HIGD1C: variants seen among roughly 807,000 people sequenced by gnomAD.
HIGD1C encodes HIG1 hypoxia inducible domain family member 1C, also known as HIG1 domain family member 1C.
A neutral mutation model predicts 13.1 loss-of-function variants in HIGD1C; 11 were observed. That is an observed-to-expected ratio of 0.84 (90% CI 0.53 to 1.39). The LOEUF is 1.39. HIGD1C is among the 40% of genes most tolerant of loss of function. The pLI is 0.00. For missense variants in HIGD1C, 110 were observed against 112.0 expected, an observed-to-expected ratio of 0.98 and a Z score of 0.08; for synonymous variants, 36 against 37.7, an observed-to-expected ratio of 0.95 and a Z score of 0.17.
chr12:50,959,364 C>G (rs1049339766), intron 1 of HIGD1C, among the ~76,000 whole-genome samples: 1 of 152,124 alleles, frequency 6.6e-6, no homozygotes, highest in Non-Finnish European at 1.5e-5. Flanking sequence ...AGGTGATCCA[C>G]CTGCATTGGC....
At chr12:50,950,286 CAA>C (rs1414807623), upstream of HIGD1C, among the ~76,000 whole-genome samples, 1 of 152,082 alleles carries the variant, frequency 6.6e-6, no homozygotes, top group East Asian at 1.9e-4. Context: ...GAATGAATAA[CAA>C]AGGCAGAAGA....
the HIGD1C span, among the ~76,000 whole-genome samples, chr12:50,937,962 G>A: frequency 1.3e-5 from 2 of 152,188 alleles, no homozygotes; most frequent in South Asian, 2.1e-4. Flanking sequence ...TTGGCCAAAC[G>A]GTCATCAATG....
chr12:50,932,625 G>A, the HIGD1C span: 1 of 152,046 alleles, frequency 6.6e-6, no homozygotes, highest in Non-Finnish European at 1.5e-5. Context: ...TCTACAGCCA[G>A]GTAACTATAA....
chr12:50,950,670 AT>A (rs57553489), upstream of HIGD1C, among the ~76,000 whole-genome samples: 939 of 87,672 alleles, frequency 0.011, 3 homozygotes, highest in East Asian at 0.017. Flanking sequence ...TGCCCAGCTA[AT>A]TTTTTTTTTT....
At chr12:50,940,819 C>T in the HIGD1C span, among the ~76,000 whole-genome samples, 1 of 151,664 alleles carries the variant, frequency 6.6e-6, no homozygotes, top group Admixed American at 6.6e-5. Flanking sequence ...CTTGCCAATG[C>T]ATACAATCCC....
the HIGD1C span, among the ~76,000 whole-genome samples, chr12:50,946,783 T>C: frequency 6.6e-6 from 1 of 152,178 alleles, no homozygotes; most frequent in Non-Finnish European, 1.5e-5. Flanking sequence ...CAGGGAGGGA[T>C]AGCATTAGGA....
the HIGD1C span, among the ~76,000 whole-genome samples, chr12:50,946,711 C>G: frequency 6.6e-6 from 1 of 152,108 alleles, no homozygotes; most frequent in African/African-American, 2.4e-5. Flanking sequence ...TACCATTTGA[C>G]CCAGCCATCC....
At chr12:50,936,618 T>C in the HIGD1C span, among the ~76,000 whole-genome samples, 1 of 152,212 alleles carries the variant, frequency 6.6e-6, no homozygotes, top group Non-Finnish European at 1.5e-5. Flanking sequence ...CCCAAGATCA[T>C]CTTCTGAGTC....
At chr12:50,965,418 C>T (rs1939504033) in intron 2 of HIGD1C, among the ~76,000 whole-genome samples, 1 of 152,028 alleles carries the variant, frequency 6.6e-6, no homozygotes, top group Non-Finnish European at 1.5e-5. Context: ...CCACCGTGCC[C>T]AGCCACTGGT....
chr12:50,945,643 T>C, the HIGD1C span, among the ~76,000 whole-genome samples: 4,776 of 152,146 alleles, frequency 0.031, 121 homozygotes, highest in East Asian at 0.079. Flanking sequence ...ATCGTGAAAA[T>C]GGCCATACTG....
At chr12:50,959,286 A>C (rs1939233291) in intron 1 of HIGD1C, among the ~76,000 whole-genome samples, 1 of 151,178 alleles carries the variant, frequency 6.6e-6, no homozygotes, top group South Asian at 2.1e-4. Context: ...CGCCTGGCTA[A>C]TTTTGTATTT....
intron 1 of HIGD1C, among the ~76,000 whole-genome samples, chr12:50,956,563 CT>C (rs1470061669): frequency 4.6e-5 from 7 of 152,128 alleles, no homozygotes; most frequent in African/African-American, 1.4e-4. Flanking sequence ...TATATTTACA[CT>C]GTTCAAATCA....
upstream of HIGD1C, chr12:50,949,414 C>T (rs73310022): frequency 0.018 from 2,701 of 151,942 alleles, 88 homozygotes; most frequent in African/African-American, 0.06. Context: ...GTTTGGTAGG[C>T]AGACTGCCCT....
At chr12:50,968,294 G>A (rs1387495993) in intron 2 of HIGD1C, among the ~76,000 whole-genome samples, 2 of 152,196 alleles carry the variant, frequency 1.3e-5, no homozygotes, top group East Asian at 3.8e-4. Context: ...AATCTGCAAG[G>A]ATGAACTAGA....
exon 1 of HIGD1C, chr12:50,954,046 A>G: frequency 6.2e-7 from 1 of 1,613,522 alleles, no homozygotes; most frequent in Non-Finnish European, 8.5e-7. Flanking sequence ...AAGGCCAATT[A>G]TCCCGACTAA....
chr12:50,936,590 C>G, the HIGD1C span, among the ~76,000 whole-genome samples: 2 of 152,220 alleles, frequency 1.3e-5, no homozygotes, highest in Non-Finnish European at 2.9e-5. Context: ...AGGCCTCCCC[C>G]ACTACACTGT....
chr12:50,958,344 C>A (rs1939190565), intron 1 of HIGD1C, among the ~76,000 whole-genome samples: 1 of 148,122 alleles, frequency 6.8e-6, no homozygotes, highest in Non-Finnish European at 1.5e-5. Flanking sequence ...TGCAGTGGCA[C>A]TATCTCGGCT....
At chr12:50,953,863 A>G (rs1200665142), upstream of HIGD1C, 3 of 567,836 alleles carry the variant, frequency 5.3e-6, no homozygotes, top group Non-Finnish European at 9.3e-6. Context: ...CAATTGTTTC[A>G]GTTGAGCAGA....
the HIGD1C span, among the ~76,000 whole-genome samples, chr12:50,947,550 C>T: frequency 1.7e-3 from 265 of 152,282 alleles, 4 homozygotes; most frequent in African/African-American, 6.0e-3. Flanking sequence ...TGGCCCCACC[C>T]AGATAGTCCA....
Sources: gnomAD v4.1 joint callset for allele counts (sites outside exome capture counted in the v4.1 genomes callset) on GRCh38, gnomAD v4.1.1 for gene constraint, MANE v1.5 for transcripts, NCBI Gene and HGNC (gene_info 2026-07-23, HGNC 2026-07-21) for gene names.